GRID1: variants seen among roughly 807,000 people sequenced by gnomAD.
GRID1 encodes glutamate ionotropic receptor delta type subunit 1, also known as glutamate receptor ionotropic, delta-1.
Under a neutral mutation model 98.0 loss-of-function variants are expected in GRID1, and 28 were observed. The observed-to-expected ratio is 0.29, with a 90% CI of 0.21 to 0.39. The LOEUF (loss-of-function observed/expected upper bound fraction) is 0.39, where lower values mean the gene tolerates loss of function less well. Ranked by LOEUF, GRID1 falls within the 10% of genes least tolerant of loss-of-function variation. GRID1 has a pLI of 1.00. For missense variants in GRID1, 1,111 were observed against 1,340.5 expected (o/e 0.83, Z 2.67); for synonymous variants, 553 against 538.5 (o/e 1.03, Z -0.37).
At chr10:86,105,383 G>A (rs1176514962) in intron 4 of GRID1, among the ~76,000 whole-genome samples, 1 of 152,166 alleles carries the variant, frequency 6.6e-6, no homozygotes, top group East Asian at 1.9e-4. Flanking sequence ...GGAGCACAGA[G>A]CCGGTCAGAA....
At chr10:85,821,503 C>T (rs1274580199) in intron 8 of GRID1, among the ~76,000 whole-genome samples, 1 of 83,594 alleles carries the variant, frequency 1.2e-5, no homozygotes, top group African/African-American at 4.7e-5. Context: ...GGTGACAGAG[C>T]AAGACTTCAT....
At chr10:86,177,048 G>GT (rs1443799231) in intron 3 of GRID1, among the ~76,000 whole-genome samples, 2 of 151,846 alleles carry the variant, frequency 1.3e-5, no homozygotes, top group Non-Finnish European at 2.9e-5. Context: ...AGTTTCCACC[G>GT]TATCACTGTC....
chr10:86,049,502 C>T (rs1276743678), intron 4 of GRID1, among the ~76,000 whole-genome samples: 1 of 152,180 alleles, frequency 6.6e-6, no homozygotes, highest in African/African-American at 2.4e-5. Context: ...GGGGACTGAA[C>T]TAGAAAGCAA....
At chr10:85,980,008 C>G (rs1589322621) in intron 4 of GRID1, among the ~76,000 whole-genome samples, 1 of 152,254 alleles carries the variant, frequency 6.6e-6, no homozygotes, top group Admixed American at 6.5e-5. Flanking sequence ...GCAGTCACTG[C>G]TTAGAAGCCT....
intron 4 of GRID1, among the ~76,000 whole-genome samples, chr10:86,131,991 G>A (rs1019396185): frequency 3.9e-5 from 6 of 152,298 alleles, no homozygotes; most frequent in African/African-American, 1.4e-4. Flanking sequence ...GGAGGGAGAT[G>A]CAATAGAGGG....
intron 4 of GRID1, among the ~76,000 whole-genome samples, chr10:85,967,618 C>T (rs182641385): frequency 1.3e-5 from 2 of 152,154 alleles, no homozygotes; most frequent in African/African-American, 4.8e-5. Flanking sequence ...TAGTATCTCA[C>T]CAAATGGAGA....
intron 4 of GRID1, among the ~76,000 whole-genome samples, chr10:86,024,622 C>G (rs570732807): frequency 2.2e-4 from 33 of 152,310 alleles, no homozygotes; most frequent in African/African-American, 5.8e-4. Flanking sequence ...AGGGCTCCCC[C>G]CAAAAGTTAG....
chr10:85,872,143 C>A (rs933075669), intron 5 of GRID1, among the ~76,000 whole-genome samples: 2 of 151,966 alleles, frequency 1.3e-5, no homozygotes, highest in African/African-American at 4.8e-5. Flanking sequence ...AGGCCCTGCC[C>A]CGAACACAGG....
At chr10:85,637,627 A>G (rs1026429657) in intron 13 of GRID1, among the ~76,000 whole-genome samples, 1 of 152,228 alleles carries the variant, frequency 6.6e-6, no homozygotes, top group African/African-American at 2.4e-5. Flanking sequence ...TTTTGTTCAC[A>G]TGGAGTTCAA....
At chr10:86,184,553 G>A (rs951371918) in intron 3 of GRID1, among the ~76,000 whole-genome samples, 1 of 137,934 alleles carries the variant, frequency 7.2e-6, no homozygotes, top group African/African-American at 2.8e-5. Flanking sequence ...AATTGCCTTT[G>A]CAACCCTGTT....
intron 5 of GRID1, among the ~76,000 whole-genome samples, chr10:85,883,157 T>C (rs1841059724): frequency 6.6e-6 from 1 of 152,178 alleles, no homozygotes; most frequent in African/African-American, 2.4e-5. Flanking sequence ...AACAATTTCT[T>C]CATATTTTCC....
At chr10:85,930,421 T>C (rs1841835111) in intron 4 of GRID1, among the ~76,000 whole-genome samples, 1 of 151,046 alleles carries the variant, frequency 6.6e-6, no homozygotes, top group Non-Finnish European at 1.5e-5. Flanking sequence ...TATAATATAA[T>C]GTACTTTTCC....
chr10:85,856,592 G>A (rs1843112217), intron 6 of GRID1, among the ~76,000 whole-genome samples: 1 of 152,346 alleles, frequency 6.6e-6, no homozygotes, highest in South Asian at 2.1e-4. Context: ...AAGGTGTCAA[G>A]AGACAGGGCC....
At chr10:86,048,566 C>A (rs937535343) in intron 4 of GRID1, among the ~76,000 whole-genome samples, 2 of 152,140 alleles carry the variant, frequency 1.3e-5, no homozygotes, top group African/African-American at 4.8e-5. Context: ...AGGCTAGGGG[C>A]CTGGGCTGAA....
At chr10:85,905,944 T>C (rs34279944) in intron 5 of GRID1, among the ~76,000 whole-genome samples, 3,359 of 152,148 alleles carry the variant, frequency 0.022, 121 homozygotes, top group African/African-American at 0.076. Flanking sequence ...AATTCCTCAA[T>C]TAAAAGGTGA....
rs1230611376 is a variant in GRID1, at chr10:85,664,717, G to A, written c.1998-17320C>T. On this transcript the variant is annotated intron_variant, in intron 12 of 15. Transcript: ENST00000327946. ...CAAAGGAAATGAAATCCAGGAGGGC[G>A]CAATAGGTCCCCTCTCTACTTGAAG... Among the ~76,000 whole-genome samples, 5 of 152,122 alleles carry A rather than the reference G, an allele frequency of 3.3e-5. No homozygotes were observed. In the South Asian group the frequency reaches 1.0e-3, roughly 32 times the overall value.
At chr10:86,155,402 C>A (rs1177469103) in intron 3 of GRID1, among the ~76,000 whole-genome samples, 1 of 152,222 alleles carries the variant, frequency 6.6e-6, no homozygotes, top group Non-Finnish European at 1.5e-5. Context: ...TTTGCAAGAG[C>A]AACTGAAAGG....
chr10:85,722,861 C>T (rs1344048032), intron 12 of GRID1, 142 bp downstream of exon 12: 1 of 463,294 alleles, frequency 2.2e-6, no homozygotes, highest in Non-Finnish European at 3.7e-6. Context: ...TGAAGCTCTT[C>T]TCCATGCACT....
At chr10:86,022,056 C>A (rs1473791212) in intron 4 of GRID1, among the ~76,000 whole-genome samples, 1 of 152,126 alleles carries the variant, frequency 6.6e-6, no homozygotes, top group Non-Finnish European at 1.5e-5. Flanking sequence ...CCCAATATGT[C>A]TAAAATATTA....
Sources: gnomAD v4.1 joint callset for allele counts (sites outside exome capture counted in the v4.1 genomes callset) on GRCh38, gnomAD v4.1.1 for gene constraint, MANE v1.5 for transcripts, NCBI Gene and HGNC (gene_info 2026-07-23, HGNC 2026-07-21) for gene names.